The following FAM13C variants were observed in gnomAD, a reference collection of about 807,000 sequenced individuals.
FAM13C encodes the protein family with sequence similarity 13 member C, also known as protein FAM13C.
FAM13C carries 37 observed loss-of-function variants against 73.2 expected under a neutral mutation model. The ratio of observed to expected loss-of-function variants is 0.51; its 90% CI spans 0.39 to 0.67. FAM13C has a LOEUF of 0.67. Ranked by LOEUF, FAM13C falls within the 30% of genes least tolerant of loss-of-function variation. The pLI is 0.00. For synonymous variants in FAM13C, 246 were observed against 260.9 expected, an observed-to-expected ratio of 0.94 and a Z score of 0.55; for missense variants, 589 against 715.6, an observed-to-expected ratio of 0.82 and a Z score of 2.02.
Position 59,305,363 on chromosome 10 carries a change from T to A in FAM13C, c.444-2499A>T, listed in dbSNP as rs1589535775. Among the ~76,000 whole-genome samples the A allele has an allele frequency of 2.6e-5, 4 of 152,346 alleles. No individual in the cohort carries two copies. In the South Asian group the frequency reaches 8.3e-4, roughly 32 times the overall value. On this transcript the variant is annotated intron_variant, in intron 4 of 13. Coordinates refer to ENST00000618804, the MANE Select transcript of FAM13C (RefSeq NM_198215.4). Reference sequence around the variant, plus strand: ...TTTTTCTGAGACAGTCTGAATGCTATTATATAATAAACATATTAACTTATA... The same window carrying A: ...TTTTTCTGAGACAGTCTGAATGCTAATATATAATAAACATATTAACTTATA...
intron 5 of FAM13C, among the ~76,000 whole-genome samples, chr10:59,298,015 C>A (rs938277606): frequency 1.3e-5 from 2 of 152,230 alleles, no homozygotes; most frequent in African/African-American, 4.8e-5. Context: ...GTGCAAAAGA[C>A]TCATGCAACA....
At chr10:59,303,397 A>C (rs415267) in intron 4 of FAM13C, among the ~76,000 whole-genome samples, 116,602 of 152,094 alleles carry the variant, frequency 0.77, 44,836 homozygotes, top group Middle Eastern at 0.81. Context: ...GTAAAGTGTA[A>C]GCTCCAAGGA....
At chr10:59,264,957 T>C (rs947328790) in intron 8 of FAM13C, among the ~76,000 whole-genome samples, 1 of 152,072 alleles carries the variant, frequency 6.6e-6, no homozygotes, top group Non-Finnish European at 1.5e-5. Flanking sequence ...ATAAACATAA[T>C]AGCCTGAAAT....
chr10:59,315,339 A>C (rs1259493520), intron 4 of FAM13C, among the ~76,000 whole-genome samples: 1 of 152,322 alleles, frequency 6.6e-6, no homozygotes, highest in South Asian at 2.1e-4. Flanking sequence ...ACATCTTGTG[A>C]TACTGTTATG....
chr10:59,318,516 C>T (rs1018106488), intron 4 of FAM13C, among the ~76,000 whole-genome samples: 1 of 152,112 alleles, frequency 6.6e-6, no homozygotes, highest in Non-Finnish European at 1.5e-5. Context: ...CTCCAGAAAT[C>T]ATTTGACCCA....
chr10:59,276,903 GTC>G (rs1284593646), intron 6 of FAM13C, among the ~76,000 whole-genome samples: 1 of 152,194 alleles, frequency 6.6e-6, no homozygotes, highest in African/African-American at 2.4e-5. Flanking sequence ...AGAGATTAAT[GTC>G]TGTCTTTATG....
In FAM13C at chr10:59,324,027, T is replaced by C. The variant is rs1238502844; in HGVS notation, c.404A>G (p.Asn135Ser). The part of the protein sequence containing the change: ...GTPAHESPQN[N>S]AFKCQETVRL... ...CACTGTTTCTTGGCACTTGAAGGCA[T>C]TGTTTTGTGGACTCTCATGAGCTGG... Residue 135 changes from asparagine to serine, a missense_variant, in exon 4 of 14, where the codon AAT (asparagine) becomes AGT (serine). Transcript: ENST00000618804. 6.2e-7 allele frequency: 1 copy of C among 1,614,054 alleles called. No homozygotes were observed. Among genetic ancestry groups the C allele is most frequent in the Admixed American group, 1.7e-5 (1 of 60,004 alleles).
chr10:59,278,833 TACACACAC>T (rs3078283), intron 6 of FAM13C, among the ~76,000 whole-genome samples: 53 of 147,816 alleles, frequency 3.6e-4, no homozygotes, highest in African/African-American at 1.2e-3. Context: ...CACATACACA[TACACACAC>T]ACACACACAC....
chr10:59,333,793 C>T (rs1852338004), intron 3 of FAM13C, among the ~76,000 whole-genome samples: 1 of 152,176 alleles, frequency 6.6e-6, no homozygotes, highest in African/African-American at 2.4e-5. Context: ...TTTACCATCA[C>T]AAATATTACT....
Position 59,341,038 on chromosome 10 carries a change from C to T in FAM13C, c.324+11232G>A, listed in dbSNP as rs76899758. The stretch of plus-strand genomic sequence containing the variant: ...CCTGACAGAGGGAAGAGGTGGGAGG[C>T]GTAATGCCCTCCTGTGGATCCACAA... On this transcript the variant is annotated intron_variant, in intron 3 of 13. Transcript: ENST00000618804. Among the ~76,000 whole-genome samples the T allele has an allele frequency of 2.5e-3, 378 of 152,090 alleles. 2 individuals carry two copies. The highest frequency in any genetic ancestry group is 8.6e-3 in the African/African-American group (356 of 41,506).
chr10:59,314,726 T>A (rs1291243840), intron 4 of FAM13C, among the ~76,000 whole-genome samples: 1 of 152,244 alleles, frequency 6.6e-6, no homozygotes, highest in East Asian at 1.9e-4. Context: ...ATTTCCCTTG[T>A]CCCTGCATCT....
intron 4 of FAM13C, 149 bp downstream of exon 4, chr10:59,323,839 T>C: frequency 1.4e-6 from 1 of 733,434 alleles, no homozygotes; most frequent in Non-Finnish European, 2.5e-6. Flanking sequence ...GCGATTCCTC[T>C]TCTAGGCCCC....
At chr10:59,338,168 T>C (rs1198882523) in intron 3 of FAM13C, among the ~76,000 whole-genome samples, 1 of 152,200 alleles carries the variant, frequency 6.6e-6, no homozygotes, top group Non-Finnish European at 1.5e-5. Context: ...CCCTCATTTT[T>C]CAGATTGTTA....
intron 1 of FAM13C, among the ~76,000 whole-genome samples, chr10:59,358,664 T>C (rs1246912139): frequency 1.3e-5 from 2 of 152,236 alleles, no homozygotes; most frequent in Non-Finnish European, 2.9e-5. Context: ...CAACAATACC[T>C]ATTGTTTGGG....
chr10:59,291,870 G>C (rs190698878), intron 5 of FAM13C, among the ~76,000 whole-genome samples: 45 of 139,168 alleles, frequency 3.2e-4, no homozygotes, highest in African/African-American at 1.1e-3. Flanking sequence ...CTCACTGCAA[G>C]CTCCACCTCC....
chr10:59,339,003 A>T (rs1435587228), intron 3 of FAM13C, among the ~76,000 whole-genome samples: 1 of 152,130 alleles, frequency 6.6e-6, no homozygotes, highest in African/African-American at 2.4e-5. Flanking sequence ...CTCTCTCCAA[A>T]GGCTCTGGGG....
At chr10:59,267,838 T>C (rs1843235631) in intron 8 of FAM13C, among the ~76,000 whole-genome samples, 1 of 152,212 alleles carries the variant, frequency 6.6e-6, no homozygotes, top group Admixed American at 6.5e-5. Context: ...ACCCAATGTC[T>C]TTGTCCAGTT....
At chr10:59,254,545 A>G (rs922069032) in intron 10 of FAM13C, 102 bp from the exon 11 acceptor site, 2 of 475,262 alleles carry the variant, frequency 4.2e-6, no homozygotes, top group African/African-American at 2.0e-5. Context: ...TTATAATACT[A>G]TAATGCAGCA....
intron 5 of FAM13C, 22 bp downstream of exon 5, chr10:59,302,779 A>C (rs1338692419): frequency 6.2e-7 from 1 of 1,608,560 alleles, no homozygotes; most frequent in Admixed American, 1.7e-5. Context: ...ATGTTCTTAT[A>C]ACCAGTAATG....
Sources: gnomAD v4.1 joint callset for allele counts (sites outside exome capture counted in the v4.1 genomes callset) on GRCh38, gnomAD v4.1.1 for gene constraint, MANE v1.5 for transcripts, NCBI Gene and HGNC (gene_info 2026-07-23, HGNC 2026-07-21) for gene names.